ADGRL3: variants seen among roughly 807,000 people sequenced by gnomAD.
ADGRL3 encodes the protein adhesion G protein-coupled receptor L3, also known as calcium-independent alpha-latrotoxin receptor 3.
Under a neutral mutation model 153.5 loss-of-function variants are expected in ADGRL3, and 62 were observed. The ratio of observed to expected loss-of-function variants is 0.40; its 90% CI spans 0.33 to 0.50. The LOEUF (loss-of-function observed/expected upper bound fraction) is 0.50. ADGRL3 is among the 20% of genes least tolerant of loss of function. The probability of loss-of-function intolerance (pLI) is 0.47; values close to 1 mark genes in which losing one functional copy is unlikely to be tolerated. For synonymous variants in ADGRL3, 710 were observed against 672.5 expected (o/e 1.06, Z -0.86); for missense variants, 1,641 against 1,859.4 (o/e 0.88, Z 2.16).
At chr4:61,643,098 T>C (rs1187741082) in intron 5 of ADGRL3, among the ~76,000 whole-genome samples, 1 of 152,186 alleles carries the variant, frequency 6.6e-6, no homozygotes, top group Non-Finnish European at 1.5e-5. Context: ...TTGTCTGTTA[T>C]TGGTGTATAA....
chr4:61,473,552 C>T (rs1268051383), intron 2 of ADGRL3, among the ~76,000 whole-genome samples: 2 of 151,802 alleles, frequency 1.3e-5, no homozygotes, highest in African/African-American at 4.8e-5. Context: ...TATTGTGGCT[C>T]AGCTTTTCCA....
At chr4:61,966,080 G>A (rs2099005496) in intron 17 of ADGRL3, among the ~76,000 whole-genome samples, 1 of 152,046 alleles carries the variant, frequency 6.6e-6, no homozygotes, top group Non-Finnish European at 1.5e-5. Flanking sequence ...AAAAAAGATA[G>A]TCTAATAAAT....
chr4:61,818,181 G>A (rs534809957), intron 9 of ADGRL3, among the ~76,000 whole-genome samples: 1 of 152,098 alleles, frequency 6.6e-6, no homozygotes, highest in African/African-American at 2.4e-5. Flanking sequence ...AGATATAATG[G>A]GGGTAGAGGC....
At chr4:61,661,288 G>A (rs2094586013) in intron 5 of ADGRL3, among the ~76,000 whole-genome samples, 1 of 151,862 alleles carries the variant, frequency 6.6e-6, no homozygotes, top group South Asian at 2.1e-4. Context: ...ACAATCTGTT[G>A]TGAATAATAC....
rs572245612 is a variant in ADGRL3, at chr4:61,855,419, G to A, written c.1481-37237G>A. 3.9e-4 allele frequency among the ~76,000 whole-genome samples: 60 copies of A among 152,224 alleles called. No homozygotes were observed. In the East Asian group the frequency reaches 0.011, roughly 27 times the overall value. ...AGCAGTCAAAGCTAGAAAAAACTCT[G>A]AAGAATATAAAGTACATGTTTGCTT... On this transcript the variant is annotated intron_variant, in intron 9 of 26. Coordinates refer to ENST00000683033, the MANE Select transcript of ADGRL3 (RefSeq NM_001387552.1).
intron 1 of ADGRL3, among the ~76,000 whole-genome samples, chr4:61,291,324 T>C (rs1299581872): frequency 1.3e-5 from 2 of 151,580 alleles, no homozygotes; most frequent in Admixed American, 6.6e-5. Flanking sequence ...TGTACAATGA[T>C]AAAAATAATA....
chr4:61,464,206 C>G (rs937438508), intron 2 of ADGRL3, among the ~76,000 whole-genome samples: 2 of 152,172 alleles, frequency 1.3e-5, no homozygotes, highest in African/African-American at 4.8e-5. Flanking sequence ...TAGCGTTATC[C>G]TCATATAATT....
intron 1 of ADGRL3, among the ~76,000 whole-genome samples, chr4:61,378,338 C>A (rs1282382734): frequency 6.6e-6 from 1 of 151,982 alleles, no homozygotes; most frequent in Non-Finnish European, 1.5e-5. Flanking sequence ...TTTAGCCGTT[C>A]TCAAAGTTCC....
intron 5 of ADGRL3, among the ~76,000 whole-genome samples, chr4:61,647,719 C>G (rs1048884565): frequency 6.6e-6 from 1 of 151,894 alleles, no homozygotes; most frequent in Non-Finnish European, 1.5e-5. Flanking sequence ...CAAAAATTAA[C>G]AATAGACTTT....
rs145333215 is a variant in ADGRL3 at position 61,891,571 on chromosome 4, T to C, written c.1481-1085T>C. 6.2e-3 allele frequency among the ~76,000 whole-genome samples: 945 copies of C among 152,314 alleles called. 16 individuals carry two copies. The highest frequency in any genetic ancestry group is 0.022 in the African/African-American group (903 of 41,564). On this transcript the variant is annotated intron_variant, in intron 9 of 26. Transcript: ENST00000683033. ...TTATATACACCAAATACATTGTGAA[T>C]GAACCTGGGGACCTCCTCGGGGCAG...
rs2097373075 is a variant in ADGRL3 at position 61,432,590 on chromosome 4, CTTTCTTTCTTTCTTTCTTTCTTTCTT to C, written c.-174+49403_-174+49428del. Among the ~76,000 whole-genome samples the C allele has an allele frequency of 2.8e-4, 3 of 10,664 alleles. 1 individual carries two copies. Among genetic ancestry groups the C allele is most frequent in the Admixed American group, 1.2e-3 (1 of 860 alleles). The allele number at this position is 10,664 out of a possible 152,430, so 7.0% of individuals were successfully genotyped here. ...TTTCTCTTCCTTTCTTTCTTTCTTT[CTTTCTTTCTTTCTTTCTTTCTTTCTT>C]TCTTTCTTTCTTTCTTTCTTTCTTT... On this transcript the variant is annotated intron_variant, in intron 2 of 26. Transcript: ENST00000683033.
At chr4:61,356,204 A>G (rs536182391) in intron 1 of ADGRL3, among the ~76,000 whole-genome samples, 23 of 152,088 alleles carry the variant, frequency 1.5e-4, no homozygotes, top group Non-Finnish European at 2.8e-4. Flanking sequence ...TTACGCATCT[A>G]CTGATATTCT....
intron 25 of ADGRL3, 111 bp downstream of exon 25, chr4:62,044,660 T>C: frequency 1.6e-6 from 1 of 642,598 alleles, no homozygotes; most frequent in Non-Finnish European, 2.6e-6. Flanking sequence ...ATAGAAACAT[T>C]GTAAGAACAT....
chr4:61,783,718 C>G (rs999914594), intron 8 of ADGRL3, among the ~76,000 whole-genome samples: 1 of 152,010 alleles, frequency 6.6e-6, no homozygotes, highest in Non-Finnish European at 1.5e-5. Flanking sequence ...CTTGAAGAGT[C>G]AAGTTATGCC....
At chr4:61,260,048 T>C (rs1043341559) in intron 1 of ADGRL3, among the ~76,000 whole-genome samples, 2 of 152,172 alleles carry the variant, frequency 1.3e-5, no homozygotes, top group Non-Finnish European at 2.9e-5. Flanking sequence ...ACGTGTAAGA[T>C]TAAATGTCAA....
intron 1 of ADGRL3, among the ~76,000 whole-genome samples, chr4:61,368,096 T>G (rs1267099102): frequency 9.9e-5 from 15 of 151,900 alleles, no homozygotes. Flanking sequence ...TTTGTTTTTT[T>G]CTGTAAATTT....
At chr4:61,887,204 T>C (rs1005807028) in intron 9 of ADGRL3, among the ~76,000 whole-genome samples, 4 of 152,004 alleles carry the variant, frequency 2.6e-5, no homozygotes, top group Non-Finnish European at 4.4e-5. Context: ...TTCTCTCTTA[T>C]TAATTTTTTT....
chr4:61,816,728 G>A (rs796244797), intron 9 of ADGRL3, among the ~76,000 whole-genome samples: 10 of 152,278 alleles, frequency 6.6e-5, no homozygotes, highest in African/African-American at 2.4e-4. Flanking sequence ...GCCGCTGTGG[G>A]GATGCCAGCT....
chr4:61,948,082 A>G lies in ADGRL3; in HGVS notation c.2629-18A>G. 4 of 1,589,342 alleles carry G rather than the reference A, an allele frequency of 2.5e-6. No individual in the cohort carries two copies. Among genetic ancestry groups the G allele is most frequent in the Non-Finnish European group, 3.4e-6 (4 of 1,165,198 alleles). ...CATAAAGTAGTTGTTGATTTTATGG[A>G]TTTTTTTTCCCCTGTAGCAGTCAGA... On this transcript the variant is annotated intron_variant, in intron 16 of 26. Transcript: ENST00000683033.
Sources: allele counts gnomAD v4.1 joint callset (sites outside exome capture counted in the v4.1 genomes callset), GRCh38; gene constraint gnomAD v4.1.1; transcripts MANE v1.5; gene names NCBI Gene and HGNC (gene_info 2026-07-23, HGNC 2026-07-21).